The following LAMA5 variants were observed in gnomAD, a reference collection of about 807,000 sequenced individuals.
LAMA5 encodes laminin subunit alpha 5, also known as laminin subunit alpha-5.
Under a neutral mutation model 433.4 loss-of-function variants are expected in LAMA5, and 260 were observed. That is an observed-to-expected ratio of 0.60 (90% CI 0.54 to 0.66). The LOEUF (loss-of-function observed/expected upper bound fraction) is 0.66, where lower values mean the gene tolerates loss of function less well. Among genes scored for constraint, LAMA5 ranks in the 30% least tolerant of loss-of-function variants. LAMA5 has a pLI of 0.00. For missense variants in LAMA5, 5,378 were observed against 5,258.5 expected (o/e 1.02, Z -0.70); for synonymous variants, 2,620 against 2,226.6 (o/e 1.18, Z -4.97).
chr20:62,325,842 T>C (rs1369845989), intron 40 of LAMA5, among the ~76,000 whole-genome samples: 1 of 152,154 alleles, frequency 6.6e-6, no homozygotes, highest in Non-Finnish European at 1.5e-5. Context: ...TAGTGACAAA[T>C]ACTTTCTTAA....
chr20:62,367,013 T>C lies in LAMA5; in HGVS notation c.233A>G (p.Glu78Gly). The stretch of plus-strand genomic sequence containing the variant: ...CCCTACCAGCTTGCAGTAAAGGTCC[T>C]CGGTGGGGCGCGGGGAGCCGCGCGC... ...APARGSPRPTEDLYCKLVGGP... is the reference protein window; with the variant it reads ...APARGSPRPTGDLYCKLVGGP... The change falls in exon 1 of 80, where the codon GAG becomes GGG. Residue 78 changes from glutamate (E) to glycine (G), a missense_variant. Coordinates refer to ENST00000252999, the MANE Select transcript of LAMA5 (RefSeq NM_005560.6). 1 of 1,277,246 alleles carries C rather than the reference T, an allele frequency of 7.8e-7. No individual in the cohort carries two copies. The highest frequency in any genetic ancestry group is 3.3e-5 in the South Asian group (1 of 30,408). 79.1% of individuals were successfully genotyped at this position (1,277,246 alleles called of 1,614,324 possible). A position where few individuals can be genotyped will look rare whatever the true frequency, so the allele number is the denominator to read the frequency against.
Position 62,314,946 on chromosome 20 carries a change from C to T in LAMA5, c.8049G>A (p.Val2683=). 1 of 1,597,826 alleles carries T rather than the reference C, an allele frequency of 6.3e-7. No homozygotes were observed. The highest frequency in any genetic ancestry group is 1.3e-5 in the African/African-American group (1 of 74,954). Residue 2683 remains valine, a splice_region_variant and synonymous_variant, in exon 60 of 80, where the codon GTG becomes GTA. Transcript: ENST00000252999. ...GGGGCAGCGTCTTCTCCAGGGTGGA[C>T]ACTGCAGAGAGGGAGACCTGAGACC... is the stretch of plus-strand genomic sequence containing the variant. The part of the protein sequence containing the change: ...GQAVLDAGHS[V]STLEKTLPQL...
At position 62,345,860 on chromosome 20, in the gene LAMA5, T is replaced by C; in HGVS notation, c.1435A>G (p.Asn479Asp). The change falls in exon 11 of 80, where the codon AAT (asparagine) becomes GAT (aspartate). Residue 479 changes from asparagine to aspartate, a missense_variant. Asn to Asp is a conservative substitution (Grantham distance 23). Transcript: ENST00000252999. ...GGCAGCACCTGCTCCCTGGTGTCAT[T>C]GGAGGACGAGGGCGTCGCTGAGGGG... Reference protein sequence around the residue: ...PSCYPTPSSSNDTREQVLPAG... With the variant: ...PSCYPTPSSSDDTREQVLPAG... 2.6e-6 allele frequency: 4 copies of C among 1,553,078 alleles called. No individual in the cohort carries two copies. The highest frequency in any genetic ancestry group is 3.5e-6 in the Non-Finnish European group (4 of 1,148,152).
chr20:62,347,845 C>T (rs531019274), intron 6 of LAMA5, among the ~76,000 whole-genome samples: 8 of 152,332 alleles, frequency 5.3e-5, no homozygotes, highest in Admixed American at 5.2e-4. Context: ...AATGGTCCAG[C>T]TCTAGTCCTG....
At position 62,336,350 on chromosome 20, in the gene LAMA5, C is replaced by T; in HGVS notation, c.2313G>A (p.Glu771=). Residue 771 remains glutamate (E), a synonymous_variant, in exon 18 of 80, where the codon GAG becomes GAA. Coordinates refer to ENST00000252999, the MANE Select transcript of LAMA5 (RefSeq NM_005560.6). The stretch of plus-strand genomic sequence containing the variant: ...CCAGGGCACACTCACGGGTACAGCC[C>T]TCGGGGTTGCTGGGGCTCAGTCCCC... ...GFWGLSPSNP[E]GCTRCSCDLR... is the part of the protein sequence containing the mutation. 6.2e-7 allele frequency: 1 copy of T among 1,610,414 alleles called. No homozygotes were observed. The highest frequency in any genetic ancestry group is 8.5e-7 in the Non-Finnish European group (1 of 1,178,496).
chr20:62,328,064 G>T (rs1390942790), intron 35 of LAMA5, 54 bp from the exon 36 acceptor site: 2 of 1,604,018 alleles, frequency 1.2e-6, no homozygotes, highest in Non-Finnish European at 8.5e-7. Flanking sequence ...TCACACCAAA[G>T]TGAGACCTCG....
At position 62,327,809 on chromosome 20, in the gene LAMA5, A is replaced by G. The variant is rs1019193122; in HGVS notation, c.4797+57T>C. The G allele has an allele frequency of 1.3e-5, 20 of 1,576,016 alleles. No homozygotes were observed. The African/African-American group carries it at 1.8e-4, about 14-fold the overall frequency. On this transcript the variant is annotated intron_variant, in intron 36 of 79. Coordinates refer to ENST00000252999, the MANE Select transcript of LAMA5 (RefSeq NM_005560.6). ...GCTGCCCCGAAAGGCCCGTAAGGAC[A>G]CTTTCAGCTGATGAGGCCGGAGGGA...
chr20:62,334,914 G>T (rs150796815), intron 20 of LAMA5, 107 bp downstream of exon 20: 1 of 1,041,586 alleles, frequency 9.6e-7, no homozygotes. Flanking sequence ...TCCATCACCC[G>T]GGCTTCATGC....
Position 62,314,616 on chromosome 20 carries a change from G to T in LAMA5, c.8306C>A (p.Pro2769Gln), listed in dbSNP as rs544012467. The change falls in exon 61 of 80, where the codon CCA (proline) becomes CAA (glutamine). Residue 2769 changes from proline (P) to glutamine (Q), a missense_variant. Coordinates refer to ENST00000252999, the MANE Select transcript of LAMA5 (RefSeq NM_005560.6). ...GGTACCCTGCCCAGGCTCAGGCTCT[G>T]GGCCCTGCAGGTAGAACTTGAGGGC... Reference protein sequence around the residue: ...YTALKFYLQGPEPEPGQGTED... With the variant: ...YTALKFYLQGQEPEPGQGTED... 8 of 1,612,450 alleles carry T rather than the reference G, an allele frequency of 5.0e-6. No individual in the cohort carries two copies. The Admixed American group carries it at 1.2e-4, about 24-fold the overall frequency.
chr20:62,360,912 G>T (rs1986057569), intron 2 of LAMA5, among the ~76,000 whole-genome samples: 1 of 152,088 alleles, frequency 6.6e-6, no homozygotes, highest in Non-Finnish European at 1.5e-5. Flanking sequence ...CAGGCTCGTG[G>T]GTCCGAGTGT....
In LAMA5 at chr20:62,351,743, G is replaced by A. The variant is rs745623887; in HGVS notation, c.917C>T (p.Ala306Val). 7 of 1,611,896 alleles carry A rather than the reference G, an allele frequency of 4.3e-6. No homozygotes were observed. The highest frequency in any genetic ancestry group is 4.0e-5 in the African/African-American group (3 of 74,934). ...IGGRCVCHGH[A>V]DACDAKDPTD... ...GGGGTCTTTGGCATCGCAGGCATCC[G>A]CGTGGCCGTGGCAGACACAGCGGCC... Residue 306 changes from alanine to valine, a missense_variant, in exon 6 of 80, where the codon GCG (alanine) becomes GTG (valine). Coordinates refer to ENST00000252999, the MANE Select transcript of LAMA5 (RefSeq NM_005560.6).
At position 62,329,205 on chromosome 20, in the gene LAMA5, G is replaced by A. The variant is rs563144177; in HGVS notation, c.4168C>T (p.Arg1390Trp). The A allele has an allele frequency of 1.3e-5, 21 of 1,612,834 alleles. No homozygotes were observed. Among genetic ancestry groups the A allele is most frequent in the African/African-American group, 6.7e-5 (5 of 75,060 alleles). ...PENVYSFGYL[R>W]EEPLDKSYDF... is the part of the protein sequence containing the mutation. ...TAGGATTTATCCAGGGGCTCCTCCC[G>A]GAGGTAGCCAAAGCTGTAGACGTTC... Residue 1390 changes from arginine (R) to tryptophan (W), a missense_variant, in exon 33 of 80, where the codon CGG becomes TGG. Physicochemically the swap from Arg to Trp is moderately radical, Grantham distance 101. Transcript: ENST00000252999.
intron 11 of LAMA5, chr20:62,345,511 A>C (rs906445271): frequency 6.2e-6 from 3 of 486,916 alleles, no homozygotes; most frequent in African/African-American, 5.8e-5. Flanking sequence ...GGCTCAAGCA[A>C]TCCTTCCACC....
intron 34 of LAMA5, 22 bp downstream of exon 34, chr20:62,328,822 G>A (rs763976883): frequency 1.2e-5 from 19 of 1,604,562 alleles, no homozygotes; most frequent in East Asian, 2.2e-5. Flanking sequence ...GCCACTGGGC[G>A]CCCAAGGACT....
At chr20:62,313,969 G>T (rs1392378391) in intron 62 of LAMA5, among the ~76,000 whole-genome samples, 167 bp from the exon 63 acceptor site, 3 of 22,282 alleles carry the variant, frequency 1.3e-4, no homozygotes, top group Admixed American at 4.3e-4. Flanking sequence ...GTGGCGAGTG[G>T]GCACAGAGAC....
In LAMA5 at chr20:62,312,120, C is replaced by T; in HGVS notation, c.9504+53G>A. 1.9e-6 allele frequency: 3 copies of T among 1,609,706 alleles called. No homozygotes were observed. The South Asian group carries it at 3.3e-5, about 18-fold the overall frequency. On this transcript the variant is annotated intron_variant, in intron 69 of 79. Transcript: ENST00000252999. ...CTCATTCCAGACACCCCAGTCCCAACTGCTCCGACGGCCACCGCGGGGTGG... is the reference window on the plus strand; with the variant it reads ...CTCATTCCAGACACCCCAGTCCCAATTGCTCCGACGGCCACCGCGGGGTGG...
In LAMA5 at chr20:62,330,057, C is replaced by G; in HGVS notation, c.3980-141G>C. 6 of 1,249,098 alleles carry G rather than the reference C, an allele frequency of 4.8e-6. No homozygotes were observed. In the South Asian group the frequency reaches 9.3e-5, roughly 19 times the overall value. 77.4% of individuals were successfully genotyped at this position (1,249,098 alleles called of 1,614,324 possible). A position where few individuals can be genotyped will look rare whatever the true frequency, so the allele number is the denominator to read the frequency against. On this transcript the variant is annotated intron_variant, in intron 31 of 79. Transcript: ENST00000252999. ...CAGGCACGGGACGTGCCCAAGAGGT[C>G]TGCAAGGCCGGCCCCTCATGTCACG...
At chr20:62,365,425 C>T (rs990870900) in intron 1 of LAMA5, among the ~76,000 whole-genome samples, 5 of 152,192 alleles carry the variant, frequency 3.3e-5, no homozygotes, top group Non-Finnish European at 5.9e-5. Flanking sequence ...ACTCACGAGA[C>T]GGGGGTAATA....
At chr20:62,329,281 C>G (rs367729943) in intron 32 of LAMA5, 28 bp from the exon 33 acceptor site, 1 of 1,555,320 alleles carries the variant, frequency 6.4e-7, no homozygotes, top group South Asian at 1.1e-5. Context: ...GTCACTCTCC[C>G]GCGGGCCCAG....
Sources: allele counts gnomAD v4.1 joint callset (sites outside exome capture counted in the v4.1 genomes callset), GRCh38; gene constraint gnomAD v4.1.1; transcripts MANE v1.5; gene names NCBI Gene and HGNC (gene_info 2026-07-23, HGNC 2026-07-21).